KCNT2: variants seen among roughly 807,000 people sequenced by gnomAD.
KCNT2 encodes the protein potassium sodium-activated channel subfamily T member 2, also known as potassium channel subfamily T member 2.
Under a neutral mutation model 153.8 loss-of-function variants are expected in KCNT2, and 67 were observed. The observed-to-expected ratio is 0.44, with a 90% CI of 0.36 to 0.53. KCNT2 has a LOEUF of 0.53. Ranked by LOEUF, KCNT2 falls within the 20% of genes least tolerant of loss-of-function variation. KCNT2 has a pLI of 0.00. For missense variants in KCNT2, 975 were observed against 1,354.8 expected (o/e 0.72, Z 4.40); for synonymous variants, 500 against 458.8 (o/e 1.09, Z -1.15).
chr1:196,479,052 G>T, intron 5 of KCNT2, 127 bp downstream of exon 5: 1 of 639,466 alleles, frequency 1.6e-6, no homozygotes, highest in South Asian at 1.8e-5. Context: ...CTACTGGAGC[G>T]GCTCAAAACA....
intron 13 of KCNT2, among the ~76,000 whole-genome samples, chr1:196,395,488 G>A (rs1039969185): frequency 1.3e-5 from 2 of 151,552 alleles, no homozygotes; most frequent in Non-Finnish European, 3.0e-5. Flanking sequence ...AATAGCACTG[G>A]TGGCTTAAAA....
chr1:196,340,045 C>A (rs763462116), intron 16 of KCNT2, among the ~76,000 whole-genome samples: 3 of 151,804 alleles, frequency 2.0e-5, no homozygotes, highest in Non-Finnish European at 2.9e-5. Flanking sequence ...GACACAGAGT[C>A]TTTTTCTGTT....
chr1:196,503,531 G>A (rs1680869103), intron 1 of KCNT2, among the ~76,000 whole-genome samples: 1 of 151,932 alleles, frequency 6.6e-6, no homozygotes, highest in South Asian at 2.1e-4. Flanking sequence ...AACTCAAATG[G>A]GAATATTTCA....
At chr1:196,554,305 G>A (rs573918735) in intron 1 of KCNT2, among the ~76,000 whole-genome samples, 13 of 150,976 alleles carry the variant, frequency 8.6e-5, no homozygotes, top group Non-Finnish European at 1.9e-4. Flanking sequence ...AAATCAAATC[G>A]GAGATGAAAA....
At chr1:196,321,857 C>G (rs142087654) in intron 19 of KCNT2, among the ~76,000 whole-genome samples, 1 of 152,010 alleles carries the variant, frequency 6.6e-6, no homozygotes, top group African/African-American at 2.4e-5. Flanking sequence ...ATTATGCCAG[C>G]TGACCTAAAT....
At chr1:196,447,242 T>A (rs899219507) in intron 8 of KCNT2, among the ~76,000 whole-genome samples, 12 of 151,590 alleles carry the variant, frequency 7.9e-5, no homozygotes, top group Non-Finnish European at 3.0e-5. Flanking sequence ...GGAAAACATG[T>A]ATTACAGAGC....
chr1:196,530,748 T>G (rs1296128764), intron 1 of KCNT2, among the ~76,000 whole-genome samples: 1 of 152,092 alleles, frequency 6.6e-6, no homozygotes, highest in East Asian at 1.9e-4. Flanking sequence ...TCGTTTACAC[T>G]TAATAACATC....
At position 196,480,131 on chromosome 1, in the gene KCNT2, T is replaced by C. The variant is rs150899568; in HGVS notation, c.325-893A>G. 6.0e-3 allele frequency among the ~76,000 whole-genome samples: 911 copies of C among 152,130 alleles called. 9 individuals are homozygous for C. Among genetic ancestry groups the C allele is most frequent in the African/African-American group, 0.021 (861 of 41,534 alleles). ...CACAAAAAGTAACTAGAAAAAATAA[T>C]AAAATTATTCTGTGTTAAATACTCT... On this transcript the variant is annotated intron_variant, in intron 4 of 27. Transcript: ENST00000294725.
At chr1:196,516,966 T>G (rs567230970) in intron 1 of KCNT2, among the ~76,000 whole-genome samples, 12 of 152,292 alleles carry the variant, frequency 7.9e-5, no homozygotes, top group East Asian at 1.9e-4. Flanking sequence ...CCTCCCAGCC[T>G]GAGTCTCCAA....
intron 1 of KCNT2, among the ~76,000 whole-genome samples, chr1:196,519,540 G>A (rs1653064892): frequency 6.6e-6 from 1 of 151,706 alleles, no homozygotes; most frequent in African/African-American, 2.4e-5. Flanking sequence ...AAGTTAGATA[G>A]GCTAATACCT....
chr1:196,311,311 T>C (rs1029537109), intron 21 of KCNT2, among the ~76,000 whole-genome samples: 3 of 151,766 alleles, frequency 2.0e-5, no homozygotes, highest in Non-Finnish European at 4.4e-5. Flanking sequence ...TCCTGACACT[T>C]ACTAGATGCT....
chr1:196,266,167 G>A (rs1657520696), intron 25 of KCNT2, among the ~76,000 whole-genome samples: 1 of 152,106 alleles, frequency 6.6e-6, no homozygotes, highest in Admixed American at 6.6e-5. Context: ...TTTGCTGAAT[G>A]GTGTTGTGCC....
intron 8 of KCNT2, 137 bp downstream of exon 8, chr1:196,465,156 G>C (rs983431251): frequency 3.5e-6 from 2 of 575,406 alleles, no homozygotes; most frequent in Non-Finnish European, 6.2e-6. Context: ...TTCTGTAGGC[G>C]ATCTGTTACA....
At chr1:196,570,798 G>T (rs774889336) in intron 1 of KCNT2, among the ~76,000 whole-genome samples, 2 of 152,038 alleles carry the variant, frequency 1.3e-5, no homozygotes, top group African/African-American at 4.8e-5. Context: ...AAGATTAAAG[G>T]TCTGACCACA....
chr1:196,603,639 T>G (rs1014962526), intron 1 of KCNT2, among the ~76,000 whole-genome samples: 2 of 152,232 alleles, frequency 1.3e-5, no homozygotes, highest in African/African-American at 4.8e-5. Flanking sequence ...TACAATGCAT[T>G]AGTTGACTTC....
chr1:196,372,712 G>A (rs185457472), intron 14 of KCNT2, among the ~76,000 whole-genome samples: 2 of 151,902 alleles, frequency 1.3e-5, no homozygotes, highest in Admixed American at 6.6e-5. Context: ...CATCAATTGT[G>A]TACATTAAGC....
chr1:196,465,057 T>C (rs1677486898), intron 8 of KCNT2, among the ~76,000 whole-genome samples: 1 of 152,034 alleles, frequency 6.6e-6, no homozygotes, highest in Admixed American at 6.6e-5. Flanking sequence ...CAGCAGTTGG[T>C]AAAATGCCAG....
chr1:196,408,061 A>T (rs1671981210), intron 12 of KCNT2, among the ~76,000 whole-genome samples: 2 of 151,306 alleles, frequency 1.3e-5, no homozygotes, highest in Admixed American at 1.3e-4. Flanking sequence ...TCTCTGTGCC[A>T]CTTGCCAATG....
chr1:196,433,226 A>C (rs1246124416), intron 8 of KCNT2, among the ~76,000 whole-genome samples: 1 of 152,088 alleles, frequency 6.6e-6, no homozygotes, highest in Non-Finnish European at 1.5e-5. Flanking sequence ...TCTATTGTTT[A>C]TATATTACCC....
Sources: gnomAD v4.1 joint callset for allele counts (sites outside exome capture counted in the v4.1 genomes callset) on GRCh38, gnomAD v4.1.1 for gene constraint, MANE v1.5 for transcripts, NCBI Gene and HGNC (gene_info 2026-07-23, HGNC 2026-07-21) for gene names.